Variants in SRC observed in about 807,000 individuals in gnomAD.
The protein encoded by SRC is proto-oncogene tyrosine-protein kinase Src.
Under a neutral mutation model 62.9 loss-of-function variants are expected in SRC, and 13 were observed. The ratio of observed to expected loss-of-function variants is 0.21; its 90% CI spans 0.13 to 0.33. The LOEUF is 0.33. Among genes scored for constraint, SRC ranks in the 10% least tolerant of loss-of-function variants. The pLI, the probability that SRC is intolerant of heterozygous loss-of-function variation, is 1.00. For synonymous variants in SRC, 302 were observed against 317.5 expected (o/e 0.95, Z 0.52); for missense variants, 457 against 737.3 (o/e 0.62, Z 4.40).
intron 1 of SRC, among the ~76,000 whole-genome samples, chr20:37,355,778 G>T (rs527982968): frequency 1.3e-3 from 195 of 152,340 alleles, no homozygotes; most frequent in African/African-American, 4.6e-3. Flanking sequence ...GTGAGGGTGG[G>T]CCGGGAAGAA....
Position 37,404,950 on chromosome 20 carries a change from G to A in SRC, c.*1571G>A, listed in dbSNP as rs567804522. On this transcript the variant is annotated 3_prime_UTR_variant, in exon 14 of 14. Transcript: ENST00000373578. ...TTTAACATGTAAAAATGTCCCCCCC[G>A]CTCCGTCCCCCAAACATGTTGTACA... The A allele has an allele frequency of 4.0e-5, 9 of 226,718 alleles. No individual in the cohort carries two copies. Among genetic ancestry groups the A allele is most frequent in the Non-Finnish European group, 6.0e-5 (7 of 117,006 alleles). The allele number at this position is 226,718 out of a possible 1,614,324, so 14.0% of individuals were successfully genotyped here.
At chr20:37,375,573 C>T (rs924018176) in intron 2 of SRC, among the ~76,000 whole-genome samples, 1 of 151,978 alleles carries the variant, frequency 6.6e-6, no homozygotes, top group Non-Finnish European at 1.5e-5. Flanking sequence ...TGGTGTTTTA[C>T]CATGTTGCCC....
At chr20:37,373,242 G>A (rs2070208492) in intron 2 of SRC, among the ~76,000 whole-genome samples, 1 of 121,046 alleles carries the variant, frequency 8.3e-6, no homozygotes, top group African/African-American at 4.2e-5. Flanking sequence ...ATGCACATAT[G>A]TACACACGCA....
chr20:37,363,431 C>T (rs986617315), intron 1 of SRC, among the ~76,000 whole-genome samples: 4 of 152,200 alleles, frequency 2.6e-5, no homozygotes, highest in East Asian at 1.9e-4. Flanking sequence ...CCTCCTGGGT[C>T]GCCCTTGCTG....
intron 1 of SRC, among the ~76,000 whole-genome samples, chr20:37,352,719 G>A (rs1018084501): frequency 1.8e-4 from 28 of 152,086 alleles, no homozygotes; most frequent in Non-Finnish European, 2.6e-4. Flanking sequence ...GGATGGGCTC[G>A]GGCTGCACAG....
chr20:37,370,626 A>T (rs2070148010), intron 2 of SRC, among the ~76,000 whole-genome samples: 1 of 152,226 alleles, frequency 6.6e-6, no homozygotes, highest in Non-Finnish European at 1.5e-5. Context: ...TTACTTGGTC[A>T]TGGCATCTAA....
Position 37,384,414 on chromosome 20 carries a change from G to A in SRC, c.250+11G>A, listed in dbSNP as rs2070415262. On this transcript the variant is annotated intron_variant, in intron 4 of 13. Transcript: ENST00000373578. This position sits in a 1 kb window ranked among gnomAD's most constrained non-coding sequence, Gnocchi z 6.7. Reference sequence around the variant, plus strand: ...CGGGCCCGCTGGCCGGTCAGTGCGCGGGCGGCGCGGGGTCCTCGCCCACCT... The same window carrying A: ...CGGGCCCGCTGGCCGGTCAGTGCGCAGGCGGCGCGGGGTCCTCGCCCACCT... The A allele has an allele frequency of 7.4e-7, 1 of 1,352,498 alleles. No homozygotes were observed. The highest frequency in any genetic ancestry group is 9.4e-7 in the Non-Finnish European group (1 of 1,060,934). 83.8% of individuals were successfully genotyped at this position (1,352,498 alleles called of 1,614,324 possible).
chr20:37,350,486 C>T lies in SRC; in HGVS notation c.-247+4231C>T, dbSNP rs183080463. On this transcript the variant is annotated intron_variant, in intron 1 of 13. Transcript: ENST00000373578. ...ATGAGGCTGTACCTTAGGTCCCCACCTGGTGGCTGGCTCCGTGTCGCTGTT... is the reference window on the plus strand; with the variant it reads ...ATGAGGCTGTACCTTAGGTCCCCACTTGGTGGCTGGCTCCGTGTCGCTGTT... Among the ~76,000 whole-genome samples the T allele has an allele frequency of 5.9e-5, 9 of 152,306 alleles. No individual in the cohort carries two copies. The East Asian group carries it at 1.5e-3, about 26-fold the overall frequency.
At chr20:37,346,763 G>A (rs1282713722) in intron 1 of SRC, among the ~76,000 whole-genome samples, 2 of 152,194 alleles carry the variant, frequency 1.3e-5, no homozygotes, top group Non-Finnish European at 2.9e-5. Context: ...GTGGGGCCTC[G>A]GGTAGGGCCT....
chr20:37,348,925 C>T (rs754942431), intron 1 of SRC, among the ~76,000 whole-genome samples: 59 of 152,294 alleles, frequency 3.9e-4, no homozygotes, highest in Non-Finnish European at 7.1e-4. Context: ...TGTGCCAAGA[C>T]GTGCTGTCAT....
rs1433113895 is a variant in SRC at position 37,397,707 on chromosome 20, G to A, written c.712G>A (p.Asp238Asn). ...TCCTGCCTCCTCCTCAGAACACGCCGATGGCCTGTGCCACCGCCTCACCAC... is the reference window on the plus strand; with the variant it reads ...TCCTGCCTCCTCCTCAGAACACGCCAATGGCCTGTGCCACCGCCTCACCAC... ...QLVAYYSKHA[D>N]GLCHRLTTVC... Residue 238 changes from aspartate (D) to asparagine (N), a missense_variant, in exon 9 of 14, where the codon GAT becomes AAT. Asp to Asn is a conservative substitution (Grantham distance 23, BLOSUM62 1). Transcript: ENST00000373578. This position sits in a 1 kb window ranked among gnomAD's most constrained non-coding sequence, Gnocchi z 4.1. The A allele has an allele frequency of 5.0e-6, 8 of 1,585,500 alleles. No individual in the cohort carries two copies. Among genetic ancestry groups the A allele is most frequent in the African/African-American group, 1.3e-5 (1 of 74,402 alleles).
At chr20:37,386,381 C>T in intron 5 of SRC, 1 of 720,402 alleles carries the variant, frequency 1.4e-6, no homozygotes, top group South Asian at 1.5e-5. Context: ...GAACTCCTCC[C>T]AATCCCTGGC....
chr20:37,386,261 G>A, intron 5 of SRC, 87 bp downstream of exon 5: 6 of 1,259,506 alleles, frequency 4.8e-6, no homozygotes, highest in Non-Finnish European at 4.6e-6. Flanking sequence ...TGGCATCAGG[G>A]CAGCACAGTG....
At chr20:37,380,848 C>A (rs1046883236) in intron 2 of SRC, among the ~76,000 whole-genome samples, 1 of 152,044 alleles carries the variant, frequency 6.6e-6, no homozygotes, top group Non-Finnish European at 1.5e-5. Flanking sequence ...GGGGCATTTT[C>A]TTTTATTTTT....
intron 5 of SRC, among the ~76,000 whole-genome samples, chr20:37,390,368 TG>T (rs1407097016): frequency 7.3e-5 from 11 of 151,470 alleles, no homozygotes; most frequent in Non-Finnish European, 1.6e-4. Context: ...TGATGCATGT[TG>T]TGCTGGGCTC....
intron 7 of SRC, among the ~76,000 whole-genome samples, chr20:37,395,320 G>A (rs534301626): frequency 6.6e-6 from 1 of 152,320 alleles, no homozygotes; most frequent in Admixed American, 6.5e-5. Context: ...AGGATGGCTG[G>A]GCTTCCCCCA....
chr20:37,405,091 A>G lies in SRC; in HGVS notation c.*1712A>G. ...AGCAGTGCCTGCCTATGAAATTTCAACTTTTCCTTTCATACGTCTTTATTA... is the reference window on the plus strand; with the variant it reads ...AGCAGTGCCTGCCTATGAAATTTCAGCTTTTCCTTTCATACGTCTTTATTA... On this transcript the variant is annotated 3_prime_UTR_variant, in exon 14 of 14. Coordinates refer to ENST00000373578, the MANE Select transcript of SRC (RefSeq NM_198291.3). 1 of 232,900 alleles carries G rather than the reference A, an allele frequency of 4.3e-6. No homozygotes were observed. Among genetic ancestry groups the G allele is most frequent in the East Asian group, 6.0e-5 (1 of 16,536 alleles). The allele number at this position is 232,900 out of a possible 1,614,324, so 14.4% of individuals were successfully genotyped here.
Position 37,397,948 on chromosome 20 carries a change from C to G in SRC, c.859+94C>G, listed in dbSNP as rs1362994583. On this transcript the variant is annotated intron_variant, in intron 9 of 13. Transcript: ENST00000373578. The surrounding 1 kb of genome is among the most constrained non-coding windows in gnomAD (Gnocchi z 4.1). ...TTGGTCCCTTTGCCTTTAGCTGCCT[C>G]TGCTGGATGACGGGGCCCTGTTGTA... 1.4e-6 allele frequency: 2 copies of G among 1,421,448 alleles called. No homozygotes were observed. 88.1% of individuals were successfully genotyped at this position (1,421,448 alleles called of 1,614,324 possible).
chr20:37,373,553 C>T (rs375977632), intron 2 of SRC, among the ~76,000 whole-genome samples: 23 of 152,276 alleles, frequency 1.5e-4, no homozygotes, highest in African/African-American at 5.5e-4. Context: ...TCAAACAACC[C>T]TCCTGCCTTG....
Sources: gnomAD v4.1 joint callset for allele counts (sites outside exome capture counted in the v4.1 genomes callset) on GRCh38, gnomAD v4.1.1 for gene constraint, Gnocchi (gnomAD v3.1) non-coding constraint, MANE v1.5 for transcripts, NCBI Gene and HGNC (gene_info 2026-07-23, HGNC 2026-07-21) for gene names.